XPO7: variants seen among roughly 807,000 people sequenced by gnomAD.
The protein encoded by XPO7 is exportin 7, also known as exportin-7.
A neutral mutation model predicts 144.3 loss-of-function variants in XPO7; 21 were observed. The observed-to-expected ratio is 0.15, with a 90% confidence interval of 0.10 to 0.21. XPO7 has a LOEUF of 0.21. Ranked by LOEUF, XPO7 falls within the 10% of genes least tolerant of loss-of-function variation. The pLI is 1.00. For synonymous variants in XPO7, 580 were observed against 499.6 expected (o/e 1.16, Z -2.15); for missense variants, 808 against 1,325.8 (o/e 0.61, Z 6.06).
chr8:21,986,934 A>G (rs1202429214), intron 13 of XPO7, among the ~76,000 whole-genome samples: 2 of 152,226 alleles, frequency 1.3e-5, no homozygotes, highest in African/African-American at 4.8e-5. Flanking sequence ...AGTGTTACCT[A>G]CCTGTGAACA....
At chr8:21,982,540 T>A (rs1812440344) in intron 10 of XPO7, 100 bp from the exon 11 acceptor site, 3 of 1,353,854 alleles carry the variant, frequency 2.2e-6, no homozygotes, top group Non-Finnish European at 2.9e-6. Flanking sequence ...TCCTCTTTTT[T>A]TAAAAAAAAG....
chr8:21,986,416 G>T (rs547771635), intron 13 of XPO7, among the ~76,000 whole-genome samples: 1 of 152,258 alleles, frequency 6.6e-6, no homozygotes, highest in Non-Finnish European at 1.5e-5. Flanking sequence ...GCCTCCCAAA[G>T]TGCTGGGATT....
chr8:21,979,753 T>G (rs1321099564), intron 8 of XPO7, among the ~76,000 whole-genome samples: 1 of 152,140 alleles, frequency 6.6e-6, no homozygotes, highest in Non-Finnish European at 1.5e-5. Flanking sequence ...GCACATAACA[T>G]CTACATGTCA....
At chr8:21,966,253 G>A (rs1563324540) in intron 1 of XPO7, 1 of 778,700 alleles carries the variant, frequency 1.3e-6, no homozygotes, top group Admixed American at 1.7e-5. Context: ...CAAAGTAAGA[G>A]TTTAAAGTGC....
At chr8:21,980,700 G>A (rs1014786003) in intron 9 of XPO7, among the ~76,000 whole-genome samples, 3 of 151,784 alleles carry the variant, frequency 2.0e-5, no homozygotes, top group Non-Finnish European at 4.4e-5. Flanking sequence ...GCTTGAACCC[G>A]GGAGGCAGAA....
intron 1 of XPO7, among the ~76,000 whole-genome samples, chr8:21,922,552 G>GT (rs930662984): frequency 1.8e-4 from 28 of 151,918 alleles, no homozygotes; most frequent in South Asian, 1.0e-3. Context: ...TTCCTTTCAT[G>GT]TTTTTTTTAA....
At chr8:21,985,760 C>G (rs888847948) in intron 13 of XPO7, 69 bp downstream of exon 13, 1 of 1,371,692 alleles carries the variant, frequency 7.3e-7, no homozygotes, top group Non-Finnish European at 1.0e-6. Flanking sequence ...ATAGGGTCCT[C>G]TCCACTTACA....
intron 1 of XPO7, among the ~76,000 whole-genome samples, chr8:21,943,010 C>T (rs1221340978): frequency 6.6e-6 from 1 of 152,146 alleles, no homozygotes; most frequent in Non-Finnish European, 1.5e-5. Context: ...CCACCATTGC[C>T]TTTGTACCTT....
At chr8:21,985,747 C>A in intron 13 of XPO7, 56 bp downstream of exon 13, 1 of 1,441,008 alleles carries the variant, frequency 6.9e-7, no homozygotes, top group Non-Finnish European at 9.8e-7. Context: ...TCTCCACTCC[C>A]CGATAGGGTC....
chr8:21,987,394 C>G, intron 14 of XPO7, 118 bp downstream of exon 14: 1 of 1,393,280 alleles, frequency 7.2e-7, no homozygotes, highest in Non-Finnish European at 9.7e-7. Context: ...ATAGGACAGT[C>G]CAAATGTTTT....
chr8:21,948,444 G>A (rs528606652), intron 1 of XPO7, among the ~76,000 whole-genome samples: 14 of 152,238 alleles, frequency 9.2e-5, no homozygotes, highest in African/African-American at 3.4e-4. Flanking sequence ...TGTATTGCAG[G>A]TATGCCATCT....
chr8:21,977,331 A>T (rs1055736589), intron 7 of XPO7, among the ~76,000 whole-genome samples: 1 of 152,250 alleles, frequency 6.6e-6, no homozygotes, highest in Admixed American at 6.5e-5. Flanking sequence ...CTGTAATCCC[A>T]GCACTTTGGG....
intron 1 of XPO7, among the ~76,000 whole-genome samples, chr8:21,938,508 T>C (rs1264180646): frequency 6.6e-6 from 1 of 152,186 alleles, no homozygotes; most frequent in East Asian, 1.9e-4. Flanking sequence ...TTTCTCACCA[T>C]TTTTCTGCAT....
rs553528043 is a variant in XPO7, at chr8:21,946,813, A to G, written c.19-20044A>G. ...TTTATAGTAAAGCCACAAATAATAA[A>G]GACAAAACATCTTATCAGAAAGAAA... On this transcript the variant is annotated intron_variant, in intron 1 of 27. Transcript: ENST00000252512. Among the ~76,000 whole-genome samples, 6 of 152,244 alleles carry G rather than the reference A, an allele frequency of 3.9e-5. No individual in the cohort carries two copies. In the South Asian group the frequency reaches 1.2e-3, roughly 32 times the overall value.
Position 22,005,179 on chromosome 8 carries a change from C to G in XPO7, c.*91C>G. On this transcript the variant is annotated 3_prime_UTR_variant, in exon 28 of 28. Coordinates refer to ENST00000252512, the MANE Select transcript of XPO7 (RefSeq NM_015024.5). ...TGCAAGGGAGAGGGCCTGGCTGATCCTGGCTCTTTTCTCCAGGGGTGTGGG... is the reference window on the plus strand; with the variant it reads ...TGCAAGGGAGAGGGCCTGGCTGATCGTGGCTCTTTTCTCCAGGGGTGTGGG... The G allele has an allele frequency of 9.0e-7, 1 of 1,107,318 alleles. No homozygotes were observed. Among genetic ancestry groups the G allele is most frequent in the South Asian group, 1.7e-5 (1 of 59,132 alleles). 68.6% of individuals were successfully genotyped at this position (1,107,318 alleles called of 1,614,324 possible).
intron 1 of XPO7, among the ~76,000 whole-genome samples, chr8:21,947,920 A>G (rs1811244423): frequency 6.6e-6 from 1 of 152,232 alleles, no homozygotes; most frequent in Non-Finnish European, 1.5e-5. Flanking sequence ...AAAAACTGAT[A>G]GAACTATAGG....
intron 8 of XPO7, among the ~76,000 whole-genome samples, chr8:21,979,331 C>T (rs931718916): frequency 6.6e-6 from 1 of 151,978 alleles, no homozygotes; most frequent in Non-Finnish European, 1.5e-5. Context: ...GGGCGTGAGC[C>T]ACCACACCTG....
At chr8:21,965,183 A>G (rs1425373401) in intron 1 of XPO7, among the ~76,000 whole-genome samples, 2 of 151,796 alleles carry the variant, frequency 1.3e-5, no homozygotes, top group Non-Finnish European at 2.9e-5. Flanking sequence ...GGAGGGGGGA[A>G]ATAGATTTCA....
intron 2 of XPO7, among the ~76,000 whole-genome samples, 155 bp downstream of exon 2, chr8:21,967,158 G>A (rs1198282557): frequency 1.3e-5 from 2 of 152,156 alleles, no homozygotes; most frequent in African/African-American, 4.8e-5. Flanking sequence ...TACCTACCAG[G>A]TTGGCAAAAC....
Sources: gnomAD v4.1 joint callset for allele counts (sites outside exome capture counted in the v4.1 genomes callset) on GRCh38, gnomAD v4.1.1 for gene constraint, MANE v1.5 for transcripts, NCBI Gene and HGNC (gene_info 2026-07-23, HGNC 2026-07-21) for gene names.